Variants in TENM3 observed in about 807,000 individuals in gnomAD.
TENM3 encodes teneurin-3.
In TENM3, 63 loss-of-function variants were observed where a neutral mutation model predicts 255.1. The ratio of observed to expected loss-of-function variants is 0.25; its 90% CI spans 0.20 to 0.30. The LOEUF (loss-of-function observed/expected upper bound fraction) is 0.30. Among genes scored for constraint, TENM3 ranks in the 10% least tolerant of loss-of-function variants. TENM3 has a pLI of 1.00. For synonymous variants in TENM3, 1,306 were observed against 1,322.3 expected (o/e 0.99, Z 0.27); for missense variants, 2,929 against 3,461.1 (o/e 0.85, Z 3.86).
intron 3 of TENM3, among the ~76,000 whole-genome samples, chr4:182,480,436 T>G (rs719629): frequency 6.6e-6 from 1 of 151,900 alleles, no homozygotes; most frequent in Non-Finnish European, 1.5e-5. Flanking sequence ...AGTTTTCTAA[T>G]GATGTTTTTC....
At chr4:182,160,719 C>G (rs1026576272) in intron 1 of TENM3, among the ~76,000 whole-genome samples, 2 of 152,126 alleles carry the variant, frequency 1.3e-5, no homozygotes, top group Non-Finnish European at 2.9e-5. Context: ...TCAAAGGGTA[C>G]AGTTTCATTT....
chr4:182,730,998 A>C lies in TENM3; in HGVS notation c.2826A>C (p.Leu942=). ...PWNVFYVMDT[L]VMKKEENDIP... ...ATGTCTTTTATGTGATGGATACCCT[A>C]GTCATGAAGAAAGAAGAGAATGACA... is the stretch of plus-strand genomic sequence containing the variant. The change falls in exon 16 of 28, where the codon CTA becomes CTC. Residue 942 remains leucine, a synonymous_variant. Coordinates refer to ENST00000511685, the MANE Select transcript of TENM3 (RefSeq NM_001080477.4). 6.2e-7 allele frequency: 1 copy of C among 1,613,922 alleles called. No individual in the cohort carries two copies.
the TENM3 span, among the ~76,000 whole-genome samples, chr4:181,834,175 T>A: frequency 3.3e-5 from 5 of 151,968 alleles, no homozygotes; most frequent in African/African-American, 4.8e-5. Context: ...ATAGCATTTG[T>A]CCCTATTGCC....
chr4:181,671,105 G>A, the TENM3 span, among the ~76,000 whole-genome samples: 11 of 152,076 alleles, frequency 7.2e-5, no homozygotes, highest in Admixed American at 6.6e-4. Flanking sequence ...GAAAGTAAAC[G>A]GTTAGAATTA....
At chr4:182,061,655 A>G in the TENM3 span, among the ~76,000 whole-genome samples, 4 of 152,152 alleles carry the variant, frequency 2.6e-5, no homozygotes, top group Non-Finnish European at 5.9e-5. Context: ...GCGTCACACA[A>G]AGTAAAAAAT....
chr4:182,058,156 A>G, the TENM3 span, among the ~76,000 whole-genome samples: 1 of 31,026 alleles, frequency 3.2e-5, no homozygotes, highest in South Asian at 1.8e-3. Flanking sequence ...TAGGCAGGAT[A>G]TTTGGGGTGG....
intron 3 of TENM3, among the ~76,000 whole-genome samples, chr4:182,423,966 C>A (rs913863193): frequency 2.6e-5 from 4 of 152,110 alleles, no homozygotes; most frequent in African/African-American, 9.7e-5. Context: ...TTACCGTGTT[C>A]TGTAACTCAA....
chr4:182,731,244 T>G (rs2152712370), intron 16 of TENM3, 105 bp downstream of exon 16: 1 of 1,177,504 alleles, frequency 8.5e-7, no homozygotes. Context: ...GGTGGCTCAC[T>G]CCTGTAATCC....
At chr4:182,387,508 G>A (rs907830277) in intron 3 of TENM3, among the ~76,000 whole-genome samples, 9 of 152,102 alleles carry the variant, frequency 5.9e-5, no homozygotes, top group South Asian at 2.1e-4. Context: ...GAAGGCTGCC[G>A]GAGCCAGCAG....
chr4:181,624,250 G>A, the TENM3 span, among the ~76,000 whole-genome samples: 2 of 152,160 alleles, frequency 1.3e-5, no homozygotes, highest in Non-Finnish European at 1.5e-5. Context: ...ACAGGCTGAT[G>A]GAATAAGTGC....
chr4:182,084,049 T>C, the TENM3 span, among the ~76,000 whole-genome samples: 1 of 152,180 alleles, frequency 6.6e-6, no homozygotes, highest in Non-Finnish European at 1.5e-5. Context: ...TTTGGGAAAA[T>C]TCTGCCATTT....
the TENM3 span, among the ~76,000 whole-genome samples, chr4:181,616,737 C>A: frequency 6.6e-6 from 1 of 152,034 alleles, no homozygotes; most frequent in Admixed American, 6.6e-5. Context: ...ATCTAGAGTT[C>A]TAATGTCCGT....
intron 3 of TENM3, among the ~76,000 whole-genome samples, chr4:182,429,461 G>T (rs1025485343): frequency 2.6e-5 from 4 of 152,092 alleles, no homozygotes; most frequent in African/African-American, 9.7e-5. Flanking sequence ...AATACAAATA[G>T]AAATACTTAA....
the TENM3 span, among the ~76,000 whole-genome samples, chr4:181,598,766 G>GA: frequency 6.6e-6 from 1 of 151,822 alleles, no homozygotes; most frequent in Non-Finnish European, 1.5e-5. Flanking sequence ...TGACCAGAAT[G>GA]AAAATATGAG....
chr4:181,552,920 G>A, the TENM3 span, among the ~76,000 whole-genome samples: 2 of 152,132 alleles, frequency 1.3e-5, no homozygotes, highest in East Asian at 1.9e-4. Flanking sequence ...AAACACGTGC[G>A]TGTGCACACA....
chr4:182,512,830 T>G (rs1182878304), intron 3 of TENM3, among the ~76,000 whole-genome samples: 2 of 152,162 alleles, frequency 1.3e-5, no homozygotes, highest in Non-Finnish European at 2.9e-5. Context: ...GTAAAATTGC[T>G]ATAGGCTAAG....
chr4:182,728,905 G>T, intron 13 of TENM3, 60 bp from the exon 14 acceptor site: 4 of 1,315,252 alleles, frequency 3.0e-6, no homozygotes, highest in Non-Finnish European at 4.3e-6. Flanking sequence ...AAACAAAACT[G>T]ATTCTACATT....
chr4:181,513,673 A>C, the TENM3 span, among the ~76,000 whole-genome samples: 1 of 152,228 alleles, frequency 6.6e-6, no homozygotes, highest in African/African-American at 2.4e-5. Context: ...CTTCAACACT[A>C]TACACAAAAT....
chr4:181,844,404 C>CA, the TENM3 span, among the ~76,000 whole-genome samples: 8 of 152,120 alleles, frequency 5.3e-5, no homozygotes, highest in Non-Finnish European at 1.0e-4. Context: ...TGAATGTACT[C>CA]ACGCCTGTAA....
Sources: gnomAD v4.1 joint callset for allele counts (sites outside exome capture counted in the v4.1 genomes callset) on GRCh38, gnomAD v4.1.1 for gene constraint, MANE v1.5 for transcripts, NCBI Gene and HGNC (gene_info 2026-07-23, HGNC 2026-07-21) for gene names.